The following SOX6 variants were observed in gnomAD, a reference collection of about 807,000 sequenced individuals.
SOX6 encodes SRY-box transcription factor 6, also known as transcription factor SOX-6.
A neutral mutation model predicts 97.8 loss-of-function variants in SOX6; 11 were observed. The observed-to-expected ratio is 0.11, with a 90% CI of 0.07 to 0.19. The LOEUF (loss-of-function observed/expected upper bound fraction) is 0.19, where lower values mean the gene tolerates loss of function less well. Among genes scored for constraint, SOX6 ranks in the 10% least tolerant of loss-of-function variants. The pLI, the probability that SOX6 is intolerant of heterozygous loss-of-function variation, is 1.00. For missense variants in SOX6, 810 were observed against 1,039.5 expected (o/e 0.78, Z 3.04); for synonymous variants, 360 against 371.4 (o/e 0.97, Z 0.35).
chr11:16,550,416 T>A (rs9704273), intron 4 of SOX6, among the ~76,000 whole-genome samples: 26,032 of 151,950 alleles, frequency 0.17, 2,757 homozygotes, highest in East Asian at 0.32. Context: ...TATACATATG[T>A]AACAAACCTG....
intron 9 of SOX6, among the ~76,000 whole-genome samples, chr11:16,084,842 A>G (rs1031925465): frequency 1.3e-5 from 2 of 152,182 alleles, no homozygotes; most frequent in African/African-American, 2.4e-5. Context: ...AGTTTCATTA[A>G]TCAGGAAATG....
At chr11:16,221,799 G>A (rs1490009897) in intron 4 of SOX6, among the ~76,000 whole-genome samples, 13 of 152,116 alleles carry the variant, frequency 8.5e-5, no homozygotes, top group Admixed American at 7.9e-4. Flanking sequence ...ATTACATAAT[G>A]AAATGTGTCA....
chr11:16,500,183 C>T (rs1463086506), intron 4 of SOX6, among the ~76,000 whole-genome samples: 1 of 152,178 alleles, frequency 6.6e-6, no homozygotes, highest in East Asian at 1.9e-4. Context: ...CGGAATCCAG[C>T]ATATAAACAG....
chr11:16,701,228 G>A (rs1305362309), intron 3 of SOX6, among the ~76,000 whole-genome samples: 1 of 152,148 alleles, frequency 6.6e-6, no homozygotes, highest in Admixed American at 6.5e-5. Flanking sequence ...GACTCAGAGA[G>A]ACCTGGATTT....
intron 4 of SOX6, among the ~76,000 whole-genome samples, chr11:16,535,035 T>C (rs989300264): frequency 6.6e-6 from 1 of 152,220 alleles, no homozygotes; most frequent in Non-Finnish European, 1.5e-5. Context: ...AATGTTTTTA[T>C]AATACAATGT....
chr11:16,415,678 T>C (rs1359476737), intron 1 of SOX6, among the ~76,000 whole-genome samples: 5 of 152,134 alleles, frequency 3.3e-5, no homozygotes, highest in African/African-American at 1.2e-4. Flanking sequence ...ACCCCATAAA[T>C]ATGTACAATT....
At chr11:16,019,220 G>C (rs1158444659) in intron 12 of SOX6, among the ~76,000 whole-genome samples, 1 of 152,126 alleles carries the variant, frequency 6.6e-6, no homozygotes, top group Non-Finnish European at 1.5e-5. Context: ...ACAAACTGAA[G>C]TGGAAAATGG....
chr11:16,517,177 T>C (rs1365023686), intron 4 of SOX6, among the ~76,000 whole-genome samples: 3 of 152,120 alleles, frequency 2.0e-5, no homozygotes, highest in Non-Finnish European at 4.4e-5. Flanking sequence ...TGGGATGTAT[T>C]TCAAAATAAT....
At chr11:16,055,648 GT>G (rs1847795818) in intron 10 of SOX6, 103 bp downstream of exon 10, 2 of 1,426,106 alleles carry the variant, frequency 1.4e-6, no homozygotes, top group African/African-American at 2.8e-5. Flanking sequence ...GTTGCTTTAT[GT>G]TGCTATGTTT....
At chr11:16,309,972 C>T (rs1855550008) in intron 3 of SOX6, among the ~76,000 whole-genome samples, 1 of 151,982 alleles carries the variant, frequency 6.6e-6, no homozygotes, top group African/African-American at 2.4e-5. Context: ...AACAAAATGC[C>T]AGGAGAGCAC....
intron 1 of SOX6, among the ~76,000 whole-genome samples, chr11:16,369,499 A>G (rs1857447020): frequency 6.6e-6 from 1 of 152,190 alleles, no homozygotes; most frequent in Admixed American, 6.5e-5. Flanking sequence ...GAATCAATTA[A>G]TTAGTTTCTT....
intron 4 of SOX6, among the ~76,000 whole-genome samples, chr11:16,538,544 T>G (rs1301632018): frequency 6.7e-6 from 1 of 150,226 alleles, no homozygotes; most frequent in African/African-American, 2.5e-5. Flanking sequence ...GGATAAAGAG[T>G]CAAGACCCAT....
intron 3 of SOX6, among the ~76,000 whole-genome samples, chr11:16,247,805 T>C (rs1853384890): frequency 6.6e-6 from 1 of 152,144 alleles, no homozygotes; most frequent in African/African-American, 2.4e-5. Context: ...CCAAATTTCA[T>C]GTCCTCACAT....
intron 4 of SOX6, among the ~76,000 whole-genome samples, chr11:16,504,870 C>A (rs963296685): frequency 6.6e-6 from 1 of 152,188 alleles, no homozygotes; most frequent in African/African-American, 2.4e-5. Context: ...CCTGCTTCCC[C>A]TTCACTTTCC....
chr11:16,265,831 G>A (rs1256829245), intron 3 of SOX6, among the ~76,000 whole-genome samples: 1 of 151,700 alleles, frequency 6.6e-6, no homozygotes, highest in Non-Finnish European at 1.5e-5. Flanking sequence ...TAAATCAAAT[G>A]TCCAATTAAA....
At chr11:16,504,414 T>C (rs1416669463) in intron 4 of SOX6, among the ~76,000 whole-genome samples, 1 of 151,818 alleles carries the variant, frequency 6.6e-6, no homozygotes, top group Non-Finnish European at 1.5e-5. Flanking sequence ...AAAATACATA[T>C]AAAAATCTGA....
rs139012788 is a variant in SOX6 at position 15,976,501 on chromosome 11, C to T, written c.2184-3389G>A. ...CCTCCTTTGGGAAGCTGGTGTAAAC[C>T]TCACAGAGAGCAAGCATGTTCTAAG... On this transcript the variant is annotated intron_variant, in intron 15 of 15. Coordinates refer to ENST00000683767, the MANE Select transcript of SOX6 (RefSeq NM_001367873.1). Among the ~76,000 whole-genome samples, 448 of 152,210 alleles carry T rather than the reference C, an allele frequency of 2.9e-3. 2 individuals carry two copies. Among genetic ancestry groups the T allele is most frequent in the African/African-American group, 0.01 (434 of 41,528 alleles).
chr11:16,290,159 G>A (rs1854871459), intron 3 of SOX6, among the ~76,000 whole-genome samples: 1 of 151,798 alleles, frequency 6.6e-6, no homozygotes, highest in African/African-American at 2.4e-5. Context: ...TCTTCCTCTA[G>A]GGCCATGAAT....
rs1389050965 is a variant in SOX6 at position 16,583,620 on chromosome 11, T to TAC, written n.609+28460_609+28461insGT. 3.5e-3 allele frequency among the ~76,000 whole-genome samples: 484 copies of TAC among 136,960 alleles called. 24 individuals carry two copies. Among genetic ancestry groups the TAC allele is most frequent in the Non-Finnish European group, 6.5e-3 (409 of 62,590 alleles). 89.9% of individuals were successfully genotyped at this position (136,960 alleles called of 152,430 possible). A position where few individuals can be genotyped will look rare whatever the true frequency, so the allele number is the denominator to read the frequency against. On this transcript the variant is annotated intron_variant and non_coding_transcript_variant, in intron 4 of 5. Transcript: ENST00000524520. ...ATATATGTGTATATATATACATATA[T>TAC]ATATATATATATATATACACATACA...
Sources: allele counts gnomAD v4.1 joint callset (sites outside exome capture counted in the v4.1 genomes callset), GRCh38; gene constraint gnomAD v4.1.1; transcripts MANE v1.5; gene names NCBI Gene and HGNC (gene_info 2026-07-23, HGNC 2026-07-21).